The following TMEM268 variants were observed in gnomAD, a reference collection of about 807,000 sequenced individuals.
The protein encoded by TMEM268 is transmembrane protein C9orf91.
In TMEM268, 24 loss-of-function variants were observed where a neutral mutation model predicts 39.1. The observed-to-expected ratio is 0.61, with a 90% CI of 0.44 to 0.86. The LOEUF (loss-of-function observed/expected upper bound fraction) is 0.86. Among genes scored for constraint, TMEM268 ranks in the 40% least tolerant of loss-of-function variants. TMEM268 has a pLI of 0.00. For missense variants in TMEM268, 409 were observed against 428.6 expected (o/e 0.95, Z 0.40); for synonymous variants, 176 against 173.5 (o/e 1.01, Z -0.12).
chr9:114,635,186 TA>T (rs998382719), intron 6 of TMEM268, among the ~76,000 whole-genome samples: 1 of 150,622 alleles, frequency 6.6e-6, no homozygotes, highest in Non-Finnish European at 1.5e-5. Context: ...ACTAAAAATA[TA>T]AAAAAATTAG....
chr9:114,612,521 T>C (rs1440726155), intron 1 of TMEM268, among the ~76,000 whole-genome samples: 3 of 152,228 alleles, frequency 2.0e-5, no homozygotes. Flanking sequence ...GGACATATGA[T>C]AGGCATCTGC....
chr9:114,618,051 A>G (rs1327188713), intron 2 of TMEM268, among the ~76,000 whole-genome samples: 1 of 149,706 alleles, frequency 6.7e-6, no homozygotes, highest in Non-Finnish European at 1.5e-5. Flanking sequence ...TAATTTTCGT[A>G]TTTTTAGTAG....
chr9:114,614,892 C>CT (rs57020988), intron 1 of TMEM268, among the ~76,000 whole-genome samples: 9,191 of 128,744 alleles, frequency 0.071, 425 homozygotes, highest in East Asian at 0.14. Context: ...GTGTCACTGC[C>CT]TTTTTTTTTT....
In TMEM268 at chr9:114,631,867, G is replaced by A. The variant is rs1846414211; in HGVS notation, c.475-1901G>A. On this transcript the variant is annotated intron_variant, in intron 5 of 8. Coordinates refer to ENST00000288502, the MANE Select transcript of TMEM268 (RefSeq NM_153045.4). ...TGTAATCCCAGCACTTTGGGAGGCT[G>A]AGGTGGGAGAATTGCTTGAACCTAG... is the stretch of plus-strand genomic sequence containing the variant. 2.0e-5 allele frequency among the ~76,000 whole-genome samples: 3 copies of A among 152,134 alleles called. No individual in the cohort carries two copies. The South Asian group carries it at 6.2e-4, about 32-fold the overall frequency.
upstream of TMEM268, among the ~76,000 whole-genome samples, chr9:114,609,488 G>GT (rs1491179469): frequency 6.6e-6 from 1 of 151,874 alleles, no homozygotes; most frequent in African/African-American, 2.4e-5. Flanking sequence ...GGGAAACATA[G>GT]TAAGACCCTG....
chr9:114,633,701 T>A (rs1846503861), intron 5 of TMEM268, 67 bp from the exon 6 acceptor site: 1 of 785,786 alleles, frequency 1.3e-6, no homozygotes, highest in Admixed American at 2.7e-5. Flanking sequence ...GTGTTTCTAC[T>A]GCCCAGAGCC....
rs903693347 is a variant in TMEM268, at chr9:114,643,565, C to G, written c.*252C>G. On this transcript the variant is annotated 3_prime_UTR_variant, in exon 9 of 9. Coordinates refer to ENST00000288502, the MANE Select transcript of TMEM268 (RefSeq NM_153045.4). The stretch of plus-strand genomic sequence containing the variant: ...GGTTACAGAGCTAGTCCCACCAAAG[C>G]TACTCTCTCTGCTGCTTAGAACTGT... The G allele has an allele frequency of 1.2e-4, 55 of 477,080 alleles. No individual in the cohort carries two copies. The highest frequency in any genetic ancestry group is 9.9e-4 in the African/African-American group (51 of 51,658). The allele number at this position is 477,080 out of a possible 1,614,324, so 29.6% of individuals were successfully genotyped here.
At chr9:114,626,682 G>C (rs1846174674) in intron 3 of TMEM268, among the ~76,000 whole-genome samples, 1 of 152,232 alleles carries the variant, frequency 6.6e-6, no homozygotes, top group African/African-American at 2.4e-5. Context: ...AAGGTACTGA[G>C]TCTGAGGCTG....
At chr9:114,618,519 T>G in intron 2 of TMEM268, among the ~76,000 whole-genome samples, 1 of 151,874 alleles carries the variant, frequency 6.6e-6, no homozygotes, top group Non-Finnish European at 1.5e-5. Context: ...AAAAATCAGC[T>G]GGATGTGGTG....
intron 8 of TMEM268, among the ~76,000 whole-genome samples, chr9:114,641,782 T>C (rs1299663275): frequency 6.6e-6 from 1 of 152,164 alleles, no homozygotes; most frequent in Non-Finnish European, 1.5e-5. Context: ...ATTACAGGCA[T>C]GTGCCACCAC....
rs1019059632 is a variant in TMEM268, at chr9:114,617,117, G to T, written c.-78-1G>T. 22 of 905,216 alleles carry T rather than the reference G, an allele frequency of 2.4e-5. No individual in the cohort carries two copies. Among genetic ancestry groups the T allele is most frequent in the Non-Finnish European group, 3.8e-5 (22 of 583,672 alleles). 56.1% of individuals were successfully genotyped at this position (905,216 alleles called of 1,614,324 possible). A position where few individuals can be genotyped will look rare whatever the true frequency, so the allele number is the denominator to read the frequency against. On this transcript the variant is annotated splice_acceptor_variant, in intron 1 of 8. Transcript: ENST00000288502. LOFTEE classifies it low-confidence loss of function (5UTR_SPLICE). ...GTTCTTTTTTGTGCTGTTTTCTGAAGGCATATGATGCTGAGCTGGCTGCTC... is the reference window on the plus strand; with the variant it reads ...GTTCTTTTTTGTGCTGTTTTCTGAATGCATATGATGCTGAGCTGGCTGCTC...
intron 3 of TMEM268, 86 bp from the exon 4 acceptor site, chr9:114,626,813 C>A: frequency 1.0e-6 from 1 of 998,802 alleles, no homozygotes; most frequent in Admixed American, 1.8e-5. Context: ...CAGAATGTGC[C>A]TAATCCCCCT....
At chr9:114,608,677 C>T (rs1016237661), upstream of TMEM268, among the ~76,000 whole-genome samples, 3 of 152,140 alleles carry the variant, frequency 2.0e-5, no homozygotes, top group African/African-American at 4.8e-5. Context: ...CTTGCTCCCA[C>T]GCGTCTAAAT....
rs914293210 is a variant in TMEM268 at position 114,646,048 on chromosome 9, G to A, written c.*2735G>A. ...TAGTCTTGAACTCCTGGCCTCAAGT[G>A]ATCCTCCTGCCTTGGCCTCCCATGC... On this transcript the variant is annotated 3_prime_UTR_variant, in exon 9 of 9. Coordinates refer to ENST00000288502, the MANE Select transcript of TMEM268 (RefSeq NM_153045.4). 6.6e-6 allele frequency: 1 copy of A among 152,096 alleles called. No individual in the cohort carries two copies. Among genetic ancestry groups the A allele is most frequent in the Non-Finnish European group, 1.5e-5 (1 of 68,034 alleles). The allele number at this position is 152,096 out of a possible 1,614,324, so 9.4% of individuals were successfully genotyped here.
At chr9:114,611,747 C>T (rs951745941) in intron 1 of TMEM268, among the ~76,000 whole-genome samples, 183 bp downstream of exon 1, 9 of 152,128 alleles carry the variant, frequency 5.9e-5, no homozygotes, top group African/African-American at 2.2e-4. Flanking sequence ...GGCCCCTCCC[C>T]CGCGTGCCGG....
chr9:114,611,548 C>CGGCGGCGGCGGCGCGGGCGGT lies in TMEM268; in HGVS notation c.-85_-84insGCGCGGGCGGTGGCGGCGGCG, dbSNP rs1326806681. 1 of 167,392 alleles carries CGGCGGCGGCGGCGCGGGCGGT rather than the reference C, an allele frequency of 6.0e-6. No individual in the cohort carries two copies. The highest frequency in any genetic ancestry group is 1.2e-5 in the Non-Finnish European group (1 of 82,616). The allele number at this position is 167,392 out of a possible 1,614,324, so 10.4% of individuals were successfully genotyped here. ...CGTCCCGGGGTGGCGGCGGCGGCGG[C>CGGCGGCGGCGGCGCGGGCGGT]GGCGGCGGCGCGGGCGGTGAGTGTG... On this transcript the variant is annotated 5_prime_UTR_variant, in exon 1 of 9. Transcript: ENST00000288502.
chr9:114,627,774 G>A (rs1401809705), intron 4 of TMEM268, among the ~76,000 whole-genome samples: 1 of 152,148 alleles, frequency 6.6e-6, no homozygotes, highest in African/African-American at 2.4e-5. Context: ...ATTGTCCAAA[G>A]CCATATAGTG....
At chr9:114,614,225 T>A (rs903382774) in intron 1 of TMEM268, among the ~76,000 whole-genome samples, 6 of 152,228 alleles carry the variant, frequency 3.9e-5, no homozygotes, top group African/African-American at 1.4e-4. Context: ...TTTGCTGCTT[T>A]GTAGCCTTAG....
At chr9:114,626,241 GT>G (rs964011731) in intron 3 of TMEM268, among the ~76,000 whole-genome samples, 6 of 152,320 alleles carry the variant, frequency 3.9e-5, no homozygotes, top group African/African-American at 1.4e-4. Context: ...GGGATTACAG[GT>G]GTGAGACACT....
Sources: allele counts gnomAD v4.1 joint callset (sites outside exome capture counted in the v4.1 genomes callset), GRCh38; gene constraint gnomAD v4.1.1; transcripts MANE v1.5; gene names NCBI Gene and HGNC (gene_info 2026-07-23, HGNC 2026-07-21).